The following SH3RF3 variants were observed in gnomAD, a reference collection of about 807,000 sequenced individuals.
SH3RF3 encodes SH3 domain containing ring finger 3, also known as E3 ubiquitin-protein ligase SH3RF3.
SH3RF3 carries 29 observed loss-of-function variants against 66.3 expected under a neutral mutation model. The ratio of observed to expected loss-of-function variants is 0.44; its 90% confidence interval spans 0.33 to 0.60. The LOEUF is 0.60. Among genes scored for constraint, SH3RF3 ranks in the 20% least tolerant of loss-of-function variants. SH3RF3 has a pLI of 0.04. For synonymous variants in SH3RF3, 583 were observed against 532.0 expected, an observed-to-expected ratio of 1.10 and a Z score of -1.32; for missense variants, 1,194 against 1,190.9, an observed-to-expected ratio of 1.00 and a Z score of -0.04.
At chr2:109,235,531 C>T (rs888914863) in intron 1 of SH3RF3, among the ~76,000 whole-genome samples, 1 of 152,222 alleles carries the variant, frequency 6.6e-6, no homozygotes, top group African/African-American at 2.4e-5. Flanking sequence ...ACCTGGAGAG[C>T]AAGAAGCAGG....
chr2:109,471,372 G>A (rs922089131), intron 8 of SH3RF3, among the ~76,000 whole-genome samples: 5 of 152,282 alleles, frequency 3.3e-5, no homozygotes, highest in East Asian at 3.9e-4. Flanking sequence ...AAGGCGGCAG[G>A]AGAGAGAAGA....
chr2:109,449,512 G>A, intron 8 of SH3RF3, 23 bp downstream of exon 8: 3 of 1,609,196 alleles, frequency 1.9e-6, no homozygotes, highest in Non-Finnish European at 2.5e-6. Flanking sequence ...TCCTGGACGA[G>A]CCCTGGGCTC....
At chr2:109,472,800 C>T (rs899916634) in intron 8 of SH3RF3, among the ~76,000 whole-genome samples, 3 of 152,182 alleles carry the variant, frequency 2.0e-5, no homozygotes, top group Non-Finnish European at 2.9e-5. Context: ...GCCAGCCAGA[C>T]GCCCGTTGGA....
In SH3RF3 at chr2:109,129,916, C is replaced by T; in HGVS notation, c.376C>T (p.Arg126Cys). ...GCTGGACGGCATCCGTCAGCGGCCC[C>T]GCGCGGGCACCAGCCCCGGCGGCAG... ...RLLDGIRQRPRAGTSPGGSPP... is the reference protein window; with the variant it reads ...RLLDGIRQRPCAGTSPGGSPP... The change falls in exon 1 of 10, where the codon CGC (arginine) becomes TGC (cysteine). Residue 126 changes from arginine to cysteine, a missense_variant. Physicochemically the swap from Arg to Cys is radical, Grantham distance 180. Transcript: ENST00000309415. 3 of 1,501,476 alleles carry T rather than the reference C, an allele frequency of 2.0e-6. No homozygotes were observed. The highest frequency in any genetic ancestry group is 1.8e-6 in the Non-Finnish European group (2 of 1,131,102). The allele number at this position is 1,501,476 out of a possible 1,614,324, so 93.0% of individuals were successfully genotyped here.
chr2:109,403,127 TTC>T (rs1269151857), intron 4 of SH3RF3, among the ~76,000 whole-genome samples: 2 of 152,228 alleles, frequency 1.3e-5, no homozygotes, highest in African/African-American at 4.8e-5. Context: ...CGTCTGTGGT[TTC>T]TATAGAAATG....
At chr2:109,429,691 T>C (rs1379539779) in intron 5 of SH3RF3, among the ~76,000 whole-genome samples, 1 of 152,134 alleles carries the variant, frequency 6.6e-6, no homozygotes, top group East Asian at 1.9e-4. Context: ...GCCCTGGCCC[T>C]ACCCCTGAAC....
At chr2:109,398,270 T>C (rs1042139118) in intron 3 of SH3RF3, among the ~76,000 whole-genome samples, 1 of 152,154 alleles carries the variant, frequency 6.6e-6, no homozygotes, top group Admixed American at 6.6e-5. Flanking sequence ...CCTCACTGTC[T>C]GCAAGGCGGC....
chr2:109,471,720 G>A lies in SH3RF3; in HGVS notation c.2149-18885G>A, dbSNP rs553719280. ...TTTCTTTTCCACTCACCCCCTTGCTGTCTCAGCCTCACATACCTAATAAGA... is the reference window on the plus strand; with the variant it reads ...TTTCTTTTCCACTCACCCCCTTGCTATCTCAGCCTCACATACCTAATAAGA... On this transcript the variant is annotated intron_variant, in intron 8 of 9. Transcript: ENST00000309415. Among the ~76,000 whole-genome samples, 105 of 152,312 alleles carry A rather than the reference G, an allele frequency of 6.9e-4. 2 individuals carry two copies. The Middle Eastern group carries it at 0.02, about 30-fold the overall frequency.
At chr2:109,217,905 C>G (rs752937393) in intron 1 of SH3RF3, among the ~76,000 whole-genome samples, 1 of 152,140 alleles carries the variant, frequency 6.6e-6, no homozygotes, top group Non-Finnish European at 1.5e-5. Context: ...GGAGCTGGCC[C>G]GGCTGTGGGT....
intron 1 of SH3RF3, among the ~76,000 whole-genome samples, chr2:109,177,549 TG>T (rs149915442): frequency 6.1e-4 from 92 of 150,134 alleles, no homozygotes; most frequent in African/African-American, 1.2e-3. Context: ...TCACCTGCTC[TG>T]GGGGGGGGCA....
intron 1 of SH3RF3, among the ~76,000 whole-genome samples, chr2:109,341,680 C>T (rs1191264119): frequency 6.6e-6 from 1 of 152,162 alleles, no homozygotes; most frequent in East Asian, 1.9e-4. Flanking sequence ...CCCCTTTGCT[C>T]TGGGCATAAT....
chr2:109,244,505 T>C (rs928757604), intron 1 of SH3RF3, among the ~76,000 whole-genome samples: 5 of 152,306 alleles, frequency 3.3e-5, no homozygotes, highest in African/African-American at 1.2e-4. Flanking sequence ...AAATGTGAGA[T>C]TGAAAATTAA....
At chr2:109,448,660 T>C (rs1677777071) in intron 7 of SH3RF3, among the ~76,000 whole-genome samples, 1 of 152,210 alleles carries the variant, frequency 6.6e-6, no homozygotes. Context: ...GGGGTCCTAC[T>C]GATTCTATGT....
intron 2 of SH3RF3, among the ~76,000 whole-genome samples, chr2:109,358,303 A>G (rs190505257): frequency 6.6e-6 from 1 of 152,298 alleles, no homozygotes; most frequent in African/African-American, 2.4e-5. Context: ...CACCTACTAA[A>G]CGACATCTTG....
intron 1 of SH3RF3, among the ~76,000 whole-genome samples, chr2:109,332,762 T>C (rs1200819727): frequency 6.6e-6 from 1 of 152,140 alleles, no homozygotes; most frequent in Non-Finnish European, 1.5e-5. Flanking sequence ...GGTTAGTGTG[T>C]GGAGGCACAG....
At chr2:109,337,943 G>T (rs1203960941) in intron 1 of SH3RF3, among the ~76,000 whole-genome samples, 1 of 151,876 alleles carries the variant, frequency 6.6e-6, no homozygotes, top group Non-Finnish European at 1.5e-5. Context: ...CGTTACCCCG[G>T]CTGGTCTGGA....
intron 1 of SH3RF3, among the ~76,000 whole-genome samples, chr2:109,315,552 GGACC>G (rs1681858220): frequency 2.0e-5 from 3 of 152,338 alleles, no homozygotes; most frequent in South Asian, 4.1e-4. Flanking sequence ...TAAGCAAAGG[GGACC>G]ATGTGTGCCT....
At chr2:109,461,446 C>A in intron 8 of SH3RF3, among the ~76,000 whole-genome samples, 2 of 131,126 alleles carry the variant, frequency 1.5e-5, no homozygotes, top group African/African-American at 6.1e-5. Context: ...AAGACCTGCG[C>A]GGTGATCCAC....
intron 5 of SH3RF3, among the ~76,000 whole-genome samples, chr2:109,427,894 C>A (rs1351917159): frequency 1.3e-5 from 2 of 152,260 alleles, no homozygotes; most frequent in Non-Finnish European, 2.9e-5. Flanking sequence ...ATCCTGAGGC[C>A]ATACCTGCAG....
Sources: allele counts gnomAD v4.1 joint callset (sites outside exome capture counted in the v4.1 genomes callset), GRCh38; gene constraint gnomAD v4.1.1; transcripts MANE v1.5; gene names NCBI Gene and HGNC (gene_info 2026-07-23, HGNC 2026-07-21).